The following KANK1 variants were observed in gnomAD, a reference collection of about 807,000 sequenced individuals.
The protein encoded by KANK1 is KN motif and ankyrin repeat domains 1, also known as KN motif and ankyrin repeat domain-containing protein 1.
In KANK1, 109 loss-of-function variants were observed where a neutral mutation model predicts 106.2. The ratio of observed to expected loss-of-function variants is 1.03; its 90% CI spans 0.88 to 1.20. The LOEUF is 1.20. Ranked by LOEUF, KANK1 falls within the 50% of genes most tolerant of loss-of-function variation. The probability of loss-of-function intolerance (pLI) is 0.00; values close to 1 mark genes in which losing one functional copy is unlikely to be tolerated. For missense variants in KANK1, 2,399 were observed against 1,710.7 expected, an observed-to-expected ratio of 1.40 and a Z score of -7.10; for synonymous variants, 873 against 652.2, an observed-to-expected ratio of 1.34 and a Z score of -5.16.
intron 1 of KANK1, among the ~76,000 whole-genome samples, chr9:532,040 G>A (rs1204786276): frequency 6.6e-6 from 1 of 152,160 alleles, no homozygotes; most frequent in African/African-American, 2.4e-5. Context: ...CATTGGACAT[G>A]AGCACAAACA....
chr9:500,001 C>T (rs1476990014), upstream of KANK1, among the ~76,000 whole-genome samples: 1 of 152,194 alleles, frequency 6.6e-6, no homozygotes, highest in African/African-American at 2.4e-5. Context: ...CTCTTCCCCT[C>T]CTTGATGATG....
rs1209501083 is a variant in KANK1 at position 676,953 on chromosome 9, C to T, written c.-20C>T. ...TGACTCCTCACTCCTTTCTGGATCT[C>T]TCATTGGACTCAAGCCAGCATGGCT... is the stretch of plus-strand genomic sequence containing the variant. On this transcript the variant is annotated 5_prime_UTR_variant, in exon 2 of 12. Coordinates refer to ENST00000382297, the MANE Select transcript of KANK1 (RefSeq NM_015158.5). 5 of 1,612,122 alleles carry T rather than the reference C, an allele frequency of 3.1e-6. No individual in the cohort carries two copies. Among genetic ancestry groups the T allele is most frequent in the Middle Eastern group, 1.7e-4 (1 of 6,060 alleles).
At chr9:630,764 G>C (rs1835511663) in intron 1 of KANK1, among the ~76,000 whole-genome samples, 1 of 151,084 alleles carries the variant, frequency 6.6e-6, no homozygotes, top group Non-Finnish European at 1.5e-5. Flanking sequence ...TTAGCCAGGT[G>C]TGGTGGCAGG....
intron 9 of KANK1, 37 bp downstream of exon 9, chr9:740,971 C>G (rs780294083): frequency 2.7e-5 from 44 of 1,610,182 alleles, no homozygotes; most frequent in Non-Finnish European, 3.7e-5. Context: ...GGAATGCACC[C>G]GTAACCAGCA....
intron 2 of KANK1, among the ~76,000 whole-genome samples, chr9:690,133 C>CAA (rs57837964): frequency 0.024 from 1,488 of 61,634 alleles, 89 homozygotes; most frequent in African/African-American, 0.1. Context: ...TCTAAAAATA[C>CAA]AAAAAAAAAA....
At chr9:640,327 C>T (rs1196423394) in intron 1 of KANK1, among the ~76,000 whole-genome samples, 1 of 151,534 alleles carries the variant, frequency 6.6e-6, no homozygotes, top group African/African-American at 2.4e-5. Context: ...CCTCCACCTC[C>T]TGGGTTCAGG....
At chr9:724,547 C>G (rs1047886388) in intron 3 of KANK1, among the ~76,000 whole-genome samples, 1 of 152,052 alleles carries the variant, frequency 6.6e-6, no homozygotes, top group Admixed American at 6.6e-5. Context: ...CCTGTAATCC[C>G]AGAACTTTGG....
chr9:612,073 A>G (rs992019552), intron 1 of KANK1, among the ~76,000 whole-genome samples: 1 of 152,224 alleles, frequency 6.6e-6, no homozygotes, highest in African/African-American at 2.4e-5. Context: ...ATTTAAAAAT[A>G]GGATTGGCTT....
chr9:660,998 A>G (rs1843172201), intron 1 of KANK1, among the ~76,000 whole-genome samples: 2 of 152,206 alleles, frequency 1.3e-5, no homozygotes, highest in Admixed American at 1.3e-4. Context: ...CTGATGTACC[A>G]GTCATGTAGC....
At position 673,087 on chromosome 9, in the gene KANK1, C is replaced by T. The variant is rs888599966; in HGVS notation, c.-83-3803C>T. Among the ~76,000 whole-genome samples, 3 of 151,524 alleles carry T rather than the reference C, an allele frequency of 2.0e-5. No homozygotes were observed. In the East Asian group the frequency reaches 5.8e-4, roughly 29 times the overall value. ...TAGCATTAAGAAGAATGAGCACTCA[C>T]AATTTGAGGCCGCCTGTCAGCATGA... is the stretch of plus-strand genomic sequence containing the variant. On this transcript the variant is annotated intron_variant, in intron 1 of 11. Transcript: ENST00000382297.
intron 7 of KANK1, among the ~76,000 whole-genome samples, chr9:735,311 A>AT (rs1247140189): frequency 6.6e-6 from 1 of 152,192 alleles, no homozygotes; most frequent in Non-Finnish European, 1.5e-5. Flanking sequence ...GGCGGCCACT[A>AT]TTTTTAAACA....
At chr9:716,030 A>G (rs1478857457) in intron 3 of KANK1, among the ~76,000 whole-genome samples, 2 of 152,226 alleles carry the variant, frequency 1.3e-5, no homozygotes, top group African/African-American at 4.8e-5. Context: ...GAACCAAAAG[A>G]TATACTGGAG....
chr9:566,063 G>C (rs1446072307), intron 1 of KANK1, among the ~76,000 whole-genome samples: 1 of 152,132 alleles, frequency 6.6e-6, no homozygotes, highest in Non-Finnish European at 1.5e-5. Flanking sequence ...TGTCCTCTAT[G>C]TGCCCATGTG....
At chr9:716,600 T>TA (rs1342199763) in intron 3 of KANK1, among the ~76,000 whole-genome samples, 1 of 152,186 alleles carries the variant, frequency 6.6e-6, no homozygotes, top group Non-Finnish European at 1.5e-5. Context: ...CAAAACGAAG[T>TA]ATATTAGCGG....
intron 3 of KANK1, among the ~76,000 whole-genome samples, chr9:726,746 G>A (rs376054361): frequency 4.0e-5 from 6 of 151,692 alleles, no homozygotes; most frequent in African/African-American, 1.5e-4. Context: ...GATTTCCTGA[G>A]GTCACAAGTT....
chr9:625,057 G>T (rs960199523), intron 1 of KANK1, among the ~76,000 whole-genome samples: 1 of 152,098 alleles, frequency 6.6e-6, no homozygotes, highest in Admixed American at 6.5e-5. Context: ...CGATGCCCTG[G>T]GGTCTGAAAG....
In KANK1 at chr9:558,027, C is replaced by T. The variant is rs139099350; in HGVS notation, c.-84+53273C>T. 4.2e-3 allele frequency among the ~76,000 whole-genome samples: 634 copies of T among 152,096 alleles called. 2 individuals carry two copies. Among genetic ancestry groups the T allele is most frequent in the African/African-American group, 0.013 (549 of 41,468 alleles). The stretch of plus-strand genomic sequence containing the variant: ...CAAAAAACAAACAAACAAACCTATA[C>T]GAACAATGGTAGGAATGTCAAGGAA... On this transcript the variant is annotated intron_variant, in intron 1 of 11. Transcript: ENST00000382297.
intron 1 of KANK1, among the ~76,000 whole-genome samples, chr9:613,993 A>G (rs1241837845): frequency 6.6e-6 from 1 of 152,168 alleles, no homozygotes; most frequent in Non-Finnish European, 1.5e-5. Flanking sequence ...GGCCGGGAAG[A>G]AGGCGCTGTG....
At chr9:646,717 TCTCTCTCTGTCA>T (rs1472986418) in intron 1 of KANK1, among the ~76,000 whole-genome samples, 1 of 149,296 alleles carries the variant, frequency 6.7e-6, no homozygotes, top group Non-Finnish European at 1.5e-5. Flanking sequence ...TTAAAGACAG[TCTCTCTCTGTCA>T]CCCAGGCTGG....
Sources: allele counts gnomAD v4.1 joint callset (sites outside exome capture counted in the v4.1 genomes callset), GRCh38; gene constraint gnomAD v4.1.1; transcripts MANE v1.5; gene names NCBI Gene and HGNC (gene_info 2026-07-23, HGNC 2026-07-21).